TMED5: variants seen among roughly 807,000 people sequenced by gnomAD.
The protein encoded by TMED5 is transmembrane p24 trafficking protein 5, also known as transmembrane emp24 domain-containing protein 5.
In TMED5, 27 loss-of-function variants were observed where a neutral mutation model predicts 23.0. The observed-to-expected ratio is 1.17, with a 90% CI of 0.86 to 1.62. The LOEUF is 1.62. Ranked by LOEUF, TMED5 falls within the 40% of genes most tolerant of loss-of-function variation. The pLI, the probability that TMED5 is intolerant of heterozygous loss-of-function variation, is 0.00. For synonymous variants in TMED5, 97 were observed against 100.8 expected, an observed-to-expected ratio of 0.96 and a Z score of 0.23; for missense variants, 248 against 273.7, an observed-to-expected ratio of 0.91 and a Z score of 0.66.
chr1:93,152,132 A>G lies in TMED5; in HGVS notation c.*2538T>C, dbSNP rs559870613. On this transcript the variant is annotated 3_prime_UTR_variant, in exon 4 of 4. Coordinates refer to ENST00000370282, the MANE Select transcript of TMED5 (RefSeq NM_016040.5). Reference sequence around the variant, plus strand: ...TACCATAAAATTACAAACACCCTCCATGTCTTGACATTCACATGAAAGAAC... The same window carrying G: ...TACCATAAAATTACAAACACCCTCCGTGTCTTGACATTCACATGAAAGAAC... 1 of 152,746 alleles carries G rather than the reference A, an allele frequency of 6.5e-6. No individual in the cohort carries two copies. Among genetic ancestry groups the G allele is most frequent in the Admixed American group, 6.5e-5 (1 of 15,298 alleles). 9.5% of individuals were successfully genotyped at this position (152,746 alleles called of 1,614,324 possible).
chr1:93,176,543 A>AT (rs768914388), intron 1 of TMED5, among the ~76,000 whole-genome samples: 47 of 151,978 alleles, frequency 3.1e-4, no homozygotes, highest in Non-Finnish European at 5.7e-4. Context: ...ATATATATAT[A>AT]TTTTTTTGAG....
In TMED5 at chr1:93,180,261, G is replaced by T; in HGVS notation, c.-19C>A. 28 of 1,595,554 alleles carry T rather than the reference G, an allele frequency of 1.8e-5. No homozygotes were observed. The highest frequency in any genetic ancestry group is 2.4e-5 in the Non-Finnish European group (28 of 1,173,968). Reference sequence around the variant, plus strand: ...CGCCCATCCCTGCTGGGGCGATCCCGGGCTGAAAGAGGCGTCAGGTACTGT... The same window carrying T: ...CGCCCATCCCTGCTGGGGCGATCCCTGGCTGAAAGAGGCGTCAGGTACTGT... On this transcript the variant is annotated 5_prime_UTR_variant, in exon 1 of 4. Coordinates refer to ENST00000370282, the MANE Select transcript of TMED5 (RefSeq NM_016040.5).
At chr1:93,175,299 CTA>C (rs1239274904) in intron 1 of TMED5, among the ~76,000 whole-genome samples, 356 of 110,600 alleles carry the variant, frequency 3.2e-3, no homozygotes, top group African/African-American at 5.4e-3. Flanking sequence ...TCCCTTATGC[CTA>C]TATATATATA....
intron 3 of TMED5, among the ~76,000 whole-genome samples, chr1:93,155,806 A>C (rs768034840): frequency 6.6e-6 from 1 of 152,090 alleles, no homozygotes; most frequent in Non-Finnish European, 1.5e-5. Context: ...AACCCAATTG[A>C]TATAACTTTA....
intron 1 of TMED5, among the ~76,000 whole-genome samples, chr1:93,166,123 C>CA (rs1477228740): frequency 6.6e-6 from 1 of 152,228 alleles, no homozygotes; most frequent in African/African-American, 2.4e-5. Context: ...AATAGTACTC[C>CA]ATTGTGTATA....
chr1:93,166,625 GTA>G (rs1338903427), intron 1 of TMED5, among the ~76,000 whole-genome samples: 1 of 151,910 alleles, frequency 6.6e-6, no homozygotes, highest in Admixed American at 6.6e-5. Flanking sequence ...TTTTTTTCCT[GTA>G]TAGTTGTTCG....
intron 1 of TMED5, among the ~76,000 whole-genome samples, chr1:93,179,374 A>C (rs1386936234): frequency 6.6e-6 from 1 of 152,112 alleles, no homozygotes; most frequent in Non-Finnish European, 1.5e-5. Flanking sequence ...TCTCAAAAAA[A>C]AAAAAAAAAA....
intron 1 of TMED5, among the ~76,000 whole-genome samples, chr1:93,174,089 C>T (rs1242560379): frequency 6.6e-6 from 1 of 152,108 alleles, no homozygotes; most frequent in Non-Finnish European, 1.5e-5. Flanking sequence ...TCCCGAGTAG[C>T]TGGGACTACA....
At chr1:93,158,577 G>GTTTTTTTTTTTTTTTTTTT (rs35305642) in intron 2 of TMED5, among the ~76,000 whole-genome samples, 1 of 143,556 alleles carries the variant, frequency 7.0e-6, no homozygotes, top group African/African-American at 2.6e-5. Flanking sequence ...TACATTTTTA[G>GTTTTTTTTTTTTTTTTTTT]TTTTGTTTTT....
chr1:93,155,937 T>C, intron 3 of TMED5: 1 of 585,892 alleles, frequency 1.7e-6, no homozygotes, highest in South Asian at 3.9e-5. Context: ...GTTGTGAAAT[T>C]AGAAAACATT....
intron 1 of TMED5, among the ~76,000 whole-genome samples, chr1:93,176,446 T>C (rs968115857): frequency 3.9e-5 from 6 of 152,108 alleles, no homozygotes; most frequent in African/African-American, 1.4e-4. Context: ...AGTAAATATT[T>C]TGACATGTAT....
At chr1:93,164,244 CAAGGGCA>C (rs930944976) in intron 1 of TMED5, among the ~76,000 whole-genome samples, 1 of 151,802 alleles carries the variant, frequency 6.6e-6, no homozygotes, top group African/African-American at 2.4e-5. Context: ...AACTACATAG[CAAGGGCA>C]AAGAAAAAAA....
At chr1:93,159,920 C>T (rs56407019) in intron 2 of TMED5, among the ~76,000 whole-genome samples, 6 of 152,158 alleles carry the variant, frequency 3.9e-5, no homozygotes, top group Admixed American at 3.9e-4. Flanking sequence ...AAAATTTAGC[C>T]TGGATCAAAA....
intron 2 of TMED5, among the ~76,000 whole-genome samples, chr1:93,157,754 C>T (rs1450728646): frequency 9.9e-5 from 15 of 152,068 alleles, no homozygotes. Flanking sequence ...TAAGAAAAAC[C>T]AGTGACATAC....
intron 1 of TMED5, 49 bp from the exon 2 acceptor site, chr1:93,160,275 T>TA: frequency 9.0e-7 from 1 of 1,110,746 alleles, no homozygotes; most frequent in Non-Finnish European, 1.3e-6. Context: ...ATTCTGGAAA[T>TA]AAAAAATTAT....
At position 93,149,780 on chromosome 1, in the gene TMED5, T is replaced by C. The variant is rs1647808960; in HGVS notation, c.*4890A>G. 1 of 152,230 alleles carries C rather than the reference T, an allele frequency of 6.6e-6. No individual in the cohort carries two copies. Among genetic ancestry groups the C allele is most frequent in the Non-Finnish European group, 1.5e-5 (1 of 68,048 alleles). 9.4% of individuals were successfully genotyped at this position (152,230 alleles called of 1,614,324 possible). On this transcript the variant is annotated 3_prime_UTR_variant, in exon 4 of 4. Coordinates refer to ENST00000370282, the MANE Select transcript of TMED5 (RefSeq NM_016040.5). Reference sequence around the variant, plus strand: ...CTTTTATTACAATATATTGTTGTAATTGTTCCATTTTGTTAGCTATTGTTA... The same window carrying C: ...CTTTTATTACAATATATTGTTGTAACTGTTCCATTTTGTTAGCTATTGTTA...
At chr1:93,162,458 A>G (rs57992499) in intron 1 of TMED5, 13,471 of 152,468 alleles carry the variant, frequency 0.088, 680 homozygotes, top group African/African-American at 0.13. Flanking sequence ...TGAGCCAGCC[A>G]TGGTGGCACA....
intron 2 of TMED5, among the ~76,000 whole-genome samples, chr1:93,157,115 T>C (rs1263067467): frequency 6.6e-6 from 1 of 152,180 alleles, no homozygotes; most frequent in Non-Finnish European, 1.5e-5. Context: ...TCAATTCATA[T>C]GCAGATATGA....
chr1:93,179,934 T>G (rs1649233320), intron 1 of TMED5, 120 bp downstream of exon 1: 1 of 1,141,962 alleles, frequency 8.8e-7, no homozygotes, highest in African/African-American at 1.6e-5. Flanking sequence ...GCTGGCTTCC[T>G]GAACGGCCCT....
Sources: allele counts gnomAD v4.1 joint callset (sites outside exome capture counted in the v4.1 genomes callset), GRCh38; gene constraint gnomAD v4.1.1; transcripts MANE v1.5; gene names NCBI Gene and HGNC (gene_info 2026-07-23, HGNC 2026-07-21).